The following RNF212B variants were observed in gnomAD, a reference collection of about 807,000 sequenced individuals.
RNF212B encodes E3 ubiquitin-protein ligase RNF212B.
RNF212B carries 52 observed loss-of-function variants against 55.5 expected under a neutral mutation model. The observed-to-expected ratio is 0.94, with a 90% CI of 0.75 to 1.18. RNF212B has a LOEUF of 1.18. Among genes scored for constraint, RNF212B ranks in the 50% most tolerant of loss-of-function variants. RNF212B has a pLI of 0.00. For missense variants in RNF212B, 289 were observed against 350.4 expected (o/e 0.82, Z 1.40); for synonymous variants, 99 against 121.4 (o/e 0.82, Z 1.21).
intron 2 of RNF212B, among the ~76,000 whole-genome samples, chr14:23,224,317 A>C (rs1217669598): frequency 1.3e-5 from 2 of 152,220 alleles, no homozygotes; most frequent in Admixed American, 6.5e-5. Context: ...AAAAAGAACA[A>C]AAAGGGAGGA....
chr14:23,187,358 C>A (rs989449305), intron 1 of RNF212B, among the ~76,000 whole-genome samples: 5 of 152,028 alleles, frequency 3.3e-5, no homozygotes, highest in Non-Finnish European at 5.9e-5. Flanking sequence ...CCTACTCCCC[C>A]CTTTTTTAGA....
rs187573203 is a variant in RNF212B at position 23,232,456 on chromosome 14, C to T, written c.-1-7889C>T. On this transcript the variant is annotated intron_variant, in intron 2 of 15. Coordinates refer to the RNF212B transcript ENST00000399910. Reference sequence around the variant, plus strand: ...GAGCGCCTCCGCCCGGCAGCCGCCCCGTCTGAGAAGTGAGGAGCCCCTCCG... The same window carrying T: ...GAGCGCCTCCGCCCGGCAGCCGCCCTGTCTGAGAAGTGAGGAGCCCCTCCG... Among the ~76,000 whole-genome samples, 183 of 112,340 alleles carry T rather than the reference C, an allele frequency of 1.6e-3. 2 individuals are homozygous for T. In the East Asian group the frequency reaches 0.02, roughly 12 times the overall value. The allele number at this position is 112,340 out of a possible 152,430, so 73.7% of individuals were successfully genotyped here.
intron 2 of RNF212B, among the ~76,000 whole-genome samples, chr14:23,214,052 G>A (rs1880832462): frequency 6.6e-6 from 1 of 152,194 alleles, no homozygotes; most frequent in African/African-American, 2.4e-5. Context: ...GAGCCCAGGA[G>A]TTCGAGGTTG....
intron 2 of RNF212B, among the ~76,000 whole-genome samples, chr14:23,201,839 A>G (rs1879317573): frequency 6.6e-6 from 1 of 152,230 alleles, no homozygotes; most frequent in African/African-American, 2.4e-5. Flanking sequence ...AGCCCTAATA[A>G]AAACAGCATG....
Position 23,273,026 on chromosome 14 carries a change from C to A in RNF212B, c.*135C>A. Reference sequence around the variant, plus strand: ...TTCACTCTGTACCTTATGCTCCCCCCATCTTTACCCTATTCACCCTTATCA... The same window carrying A: ...TTCACTCTGTACCTTATGCTCCCCCAATCTTTACCCTATTCACCCTTATCA... On this transcript the variant is annotated 3_prime_UTR_variant, in exon 15 of 15. Transcript: ENST00000430154. 3.6e-6 allele frequency: 2 copies of A among 552,436 alleles called. No individual in the cohort carries two copies. Among genetic ancestry groups the A allele is most frequent in the South Asian group, 4.8e-5 (2 of 41,878 alleles). The allele number at this position is 552,436 out of a possible 1,614,324, so 34.2% of individuals were successfully genotyped here.
intron 2 of RNF212B, among the ~76,000 whole-genome samples, chr14:23,216,482 A>G (rs867752401): frequency 6.6e-5 from 10 of 152,316 alleles, no homozygotes; most frequent in South Asian, 4.1e-4. Flanking sequence ...GTTTAACTGT[A>G]TCAATCAAAA....
At chr14:23,239,127 G>C (rs752825390) in intron 1 of RNF212B, among the ~76,000 whole-genome samples, 2 of 152,026 alleles carry the variant, frequency 1.3e-5, no homozygotes, top group African/African-American at 4.8e-5. Context: ...GCAGTGGCAC[G>C]ATCTTGGCTC....
At chr14:23,265,514 T>G (rs2140482286) in intron 11 of RNF212B, among the ~76,000 whole-genome samples, 1 of 152,326 alleles carries the variant, frequency 6.6e-6, no homozygotes, top group South Asian at 2.1e-4. Flanking sequence ...AAGAAAGAAT[T>G]TGAAATTCCC....
At chr14:23,246,226 C>T (rs554893787) in intron 4 of RNF212B, among the ~76,000 whole-genome samples, 182 of 152,030 alleles carry the variant, frequency 1.2e-3, no homozygotes, top group African/African-American at 4.2e-3. Flanking sequence ...CCTCTGCCTC[C>T]AGGGTTCAAG....
intron 5 of RNF212B, 29 bp downstream of exon 5, chr14:23,258,693 CTTTTT>C (rs10547691): frequency 6.6e-4 from 387 of 589,632 alleles, no homozygotes; most frequent in African/African-American, 9.5e-4. Flanking sequence ...CCCAAGAGAG[CTTTTT>C]TTTTTTTTTT....
At chr14:23,246,132 T>C (rs1238422282) in intron 4 of RNF212B, among the ~76,000 whole-genome samples, 1 of 151,782 alleles carries the variant, frequency 6.6e-6, no homozygotes, top group Non-Finnish European at 1.5e-5. Flanking sequence ...AAGTTTTCTT[T>C]TCTTTTTTTT....
intron 11 of RNF212B, 77 bp downstream of exon 11, chr14:23,264,748 T>A: frequency 1.2e-6 from 1 of 833,166 alleles, no homozygotes; most frequent in Non-Finnish European, 1.6e-6. Context: ...TTTCTATGCA[T>A]AATATAATGC....
At chr14:23,210,101 A>C (rs1311621974) in intron 2 of RNF212B, among the ~76,000 whole-genome samples, 1 of 152,074 alleles carries the variant, frequency 6.6e-6, no homozygotes, top group African/African-American at 2.4e-5. Context: ...CAGGGAGCCA[A>C]GATTGCACCA....
chr14:23,207,748 C>T lies in RNF212B; in HGVS notation c.-2+14347C>T, dbSNP rs534051356. Among the ~76,000 whole-genome samples the T allele has an allele frequency of 3.9e-5, 6 of 152,284 alleles. No homozygotes were observed. The South Asian group carries it at 1.0e-3, about 26-fold the overall frequency. ...GTTTATTTTGCCAAGGTTGAGAACA[C>T]GCCCCTCCATGACACAGCCTCAGGA... On this transcript the variant is annotated intron_variant, in intron 2 of 15. Transcript: ENST00000399910.
At chr14:23,255,200 G>A (rs1884746734) in intron 4 of RNF212B, among the ~76,000 whole-genome samples, 1 of 152,150 alleles carries the variant, frequency 6.6e-6, no homozygotes, top group East Asian at 1.9e-4. Flanking sequence ...GCCCTTTTCT[G>A]CCTAAAAAGC....
At chr14:23,251,655 A>C (rs1386888461) in intron 4 of RNF212B, among the ~76,000 whole-genome samples, 1 of 152,070 alleles carries the variant, frequency 6.6e-6, no homozygotes, top group East Asian at 1.9e-4. Flanking sequence ...GCCTCTACTA[A>C]AAATACCAAA....
chr14:23,218,914 T>A (rs901561441), intron 2 of RNF212B, among the ~76,000 whole-genome samples: 14 of 151,258 alleles, frequency 9.3e-5, no homozygotes, highest in African/African-American at 3.4e-4. Flanking sequence ...CTCCCAAAGG[T>A]CAAGGATTAA....
intron 2 of RNF212B, among the ~76,000 whole-genome samples, chr14:23,209,435 C>T (rs1880258869): frequency 6.6e-6 from 1 of 152,124 alleles, no homozygotes; most frequent in Non-Finnish European, 1.5e-5. Context: ...GTTCACACAC[C>T]TCTGACAGTA....
chr14:23,233,130 CAT>C (rs1386544477), upstream of RNF212B, among the ~76,000 whole-genome samples: 2 of 152,208 alleles, frequency 1.3e-5, no homozygotes, highest in African/African-American at 4.8e-5. Flanking sequence ...CTCTCTGAAA[CAT>C]GTGCTGTGTC....
Sources: allele counts gnomAD v4.1 joint callset (sites outside exome capture counted in the v4.1 genomes callset), GRCh38; gene constraint gnomAD v4.1.1; transcripts MANE v1.5; gene names NCBI Gene and HGNC (gene_info 2026-07-23, HGNC 2026-07-21).